WDR59: variants seen among roughly 807,000 people sequenced by gnomAD.
WDR59 encodes the protein WD repeat domain 59, also known as GATOR2 complex protein WDR59.
A neutral mutation model predicts 131.2 loss-of-function variants in WDR59; 100 were observed. That is an observed-to-expected ratio of 0.76 (90% CI 0.65 to 0.90). The LOEUF (loss-of-function observed/expected upper bound fraction) is 0.90. Among genes scored for constraint, WDR59 ranks in the 40% least tolerant of loss-of-function variants. The pLI is 0.00. For synonymous variants in WDR59, 601 were observed against 466.2 expected (o/e 1.29, Z -3.72); for missense variants, 1,203 against 1,262.2 (o/e 0.95, Z 0.71).
intron 1 of WDR59, among the ~76,000 whole-genome samples, chr16:74,982,615 T>C (rs761643602): frequency 5.9e-5 from 9 of 152,210 alleles, no homozygotes; most frequent in Admixed American, 2.6e-4. Flanking sequence ...GCATGATACA[T>C]GATTCTATTC....
At chr16:74,940,448 G>C (rs924353457) in intron 7 of WDR59, among the ~76,000 whole-genome samples, 2 of 151,176 alleles carry the variant, frequency 1.3e-5, no homozygotes, top group Non-Finnish European at 2.9e-5. Flanking sequence ...ATTATAAAGA[G>C]ATATTAATCA....
intron 1 of WDR59, among the ~76,000 whole-genome samples, chr16:74,967,454 C>T (rs1247398292): frequency 6.6e-6 from 1 of 152,160 alleles, no homozygotes; most frequent in East Asian, 1.9e-4. Flanking sequence ...ATTCCAGGCC[C>T]TTGGTATATA....
chr16:74,915,687 G>T lies in WDR59; in HGVS notation c.1224+183C>A. On this transcript the variant is annotated intron_variant, in intron 13 of 25. Coordinates refer to ENST00000262144, the MANE Select transcript of WDR59 (RefSeq NM_030581.4). ...GATCTGTCCACCTCAGACTCCCAAA[G>T]TGCTGGGATTACAGGCGTGAGCCAC... 3 of 739,032 alleles carry T rather than the reference G, an allele frequency of 4.1e-6. No homozygotes were observed. The Admixed American group carries it at 8.4e-5, about 21-fold the overall frequency. The allele number at this position is 739,032 out of a possible 1,614,324, so 45.8% of individuals were successfully genotyped here. A position where few individuals can be genotyped will look rare whatever the true frequency, so the allele number is the denominator to read the frequency against.
chr16:74,980,016 T>C (rs1378390423), intron 1 of WDR59, among the ~76,000 whole-genome samples: 3 of 150,906 alleles, frequency 2.0e-5, no homozygotes, highest in Non-Finnish European at 4.4e-5. Flanking sequence ...GCCCAGCTAA[T>C]TTTTATTGTA....
intron 8 of WDR59, among the ~76,000 whole-genome samples, chr16:74,937,333 G>A (rs1000646962): frequency 6.6e-6 from 1 of 152,210 alleles, no homozygotes; most frequent in Non-Finnish European, 1.5e-5. Context: ...AAATGCTGAT[G>A]CCTGAAAACG....
intron 18 of WDR59, among the ~76,000 whole-genome samples, chr16:74,901,850 A>AT (rs1316440324): frequency 6.8e-6 from 1 of 147,362 alleles, no homozygotes; most frequent in Non-Finnish European, 1.5e-5. Context: ...TCATGGCCAT[A>AT]TCACGCTTAT....
rs1341155077 is a variant in WDR59 at position 74,971,425 on chromosome 16, CCTTT to C, written c.55-5607_55-5604del. On this transcript the variant is annotated intron_variant, in intron 1 of 25. Transcript: ENST00000262144. ...ATCAGTTTTCCTTCCTTCTTTCCTT[CCTTT>C]TTTTTTTTTTTTTTTTTTTTTGAGA... Among the ~76,000 whole-genome samples the C allele has an allele frequency of 5.8e-3, 787 of 136,130 alleles. 5 individuals carry two copies. Among genetic ancestry groups the C allele is most frequent in the African/African-American group, 0.022 (765 of 34,188 alleles). The allele number at this position is 136,130 out of a possible 152,430, so 89.3% of individuals were successfully genotyped here. A position where few individuals can be genotyped will look rare whatever the true frequency, so the allele number is the denominator to read the frequency against.
intron 1 of WDR59, among the ~76,000 whole-genome samples, chr16:74,970,551 A>G (rs1449659549): frequency 3.4e-5 from 5 of 146,106 alleles, no homozygotes; most frequent in Non-Finnish European, 7.5e-5. Context: ...GGACCTCTCT[A>G]AGCAGGTTCC....
rs1313904660 is a variant in WDR59, at chr16:74,871,599, T to C, written c.*2610A>G. 6.6e-6 allele frequency: 1 copy of C among 152,170 alleles called. No individual in the cohort carries two copies. Among genetic ancestry groups the C allele is most frequent in the Non-Finnish European group, 1.5e-5 (1 of 68,008 alleles). 9.4% of individuals were successfully genotyped at this position (152,170 alleles called of 1,614,324 possible). A position where few individuals can be genotyped will look rare whatever the true frequency, so the allele number is the denominator to read the frequency against. ...TTGAAAGTCAATGTTCCTCCAACAA[T>C]AAAACAAGAAAAACATCTCATTCTT... is the stretch of plus-strand genomic sequence containing the variant. On this transcript the variant is annotated 3_prime_UTR_variant, in exon 26 of 26. Transcript: ENST00000262144.
In WDR59 at chr16:74,981,633, TATATATATATATATATATATA is replaced by T. The variant is rs1485389839; in HGVS notation, c.54+3310_54+3330del. ...ATTTACATATATATATATATATATA[TATATATATATATATATATATA>T]TATATATTTTTTTTTTTTTTAGATG... is the stretch of plus-strand genomic sequence containing the variant. On this transcript the variant is annotated intron_variant, in intron 1 of 25. Coordinates refer to ENST00000262144, the MANE Select transcript of WDR59 (RefSeq NM_030581.4). Among the ~76,000 whole-genome samples, 37 of 17,566 alleles carry T rather than the reference TATATATATATATATATATATA, an allele frequency of 2.1e-3. 1 individual carries two copies. Among genetic ancestry groups the T allele is most frequent in the Non-Finnish European group, 3.2e-3 (26 of 8,234 alleles). The allele number at this position is 17,566 out of a possible 152,430, so 11.5% of individuals were successfully genotyped here.
intron 10 of WDR59, 41 bp downstream of exon 10, chr16:74,921,906 G>A: frequency 6.2e-7 from 1 of 1,600,330 alleles, no homozygotes; most frequent in Admixed American, 1.7e-5. Context: ...GCTGTCACCA[G>A]AGCTCAGAAG....
chr16:74,984,990 C>A lies in WDR59; in HGVS notation c.28G>T (p.Val10Leu). The A allele has an allele frequency of 6.3e-7, 1 of 1,599,372 alleles. No homozygotes were observed. Among genetic ancestry groups the A allele is most frequent in the Non-Finnish European group, 8.5e-7 (1 of 1,173,178 alleles). The part of the protein sequence containing the change: MAARWSSEN[V>L]VVEFRDSQAT... Reference sequence around the variant, plus strand: ...TGGGAGTCACGGAACTCTACAACCACGTTTTCGCTGCTCCATCGCGCCGCC... The same window carrying A: ...TGGGAGTCACGGAACTCTACAACCAAGTTTTCGCTGCTCCATCGCGCCGCC... Residue 10 changes from valine (V) to leucine (L), a missense_variant, in exon 1 of 26, where the codon GTG becomes TTG. Coordinates refer to ENST00000262144, the MANE Select transcript of WDR59 (RefSeq NM_030581.4).
At position 74,956,380 on chromosome 16, in the gene WDR59, G is replaced by A. The variant is rs188703014; in HGVS notation, c.240+95C>T. On this transcript the variant is annotated intron_variant, in intron 3 of 25. Coordinates refer to ENST00000262144, the MANE Select transcript of WDR59 (RefSeq NM_030581.4). ...CAAACCTCTTTTCCAAATGAGCAAT[G>A]AGGACTGCATTCTCTTCTCTACACA... The A allele has an allele frequency of 4.2e-6, 6 of 1,443,244 alleles. No homozygotes were observed. In the African/African-American group the frequency reaches 5.7e-5, roughly 14 times the overall value. The allele number at this position is 1,443,244 out of a possible 1,614,324, so 89.4% of individuals were successfully genotyped here. A position where few individuals can be genotyped will look rare whatever the true frequency, so the allele number is the denominator to read the frequency against.
intron 7 of WDR59, among the ~76,000 whole-genome samples, chr16:74,939,398 G>A (rs1467313549): frequency 6.6e-6 from 1 of 151,986 alleles, no homozygotes; most frequent in African/African-American, 2.4e-5. Context: ...ATATACTACA[G>A]CTATGCGACA....
At chr16:74,892,758 T>C (rs1343580839) in intron 19 of WDR59, among the ~76,000 whole-genome samples, 193 bp from the exon 20 acceptor site, 1 of 152,192 alleles carries the variant, frequency 6.6e-6, no homozygotes, top group Non-Finnish European at 1.5e-5. Flanking sequence ...CTAATACATC[T>C]GTGGGTTCCA....
chr16:74,927,575 G>A lies in WDR59; in HGVS notation c.652-3572C>T, dbSNP rs375592651. Reference sequence around the variant, plus strand: ...TGCACTCCAGCCTGGGCAATAGAGCGAGACTCCATCTCAAAAAAAAAAAAA... The same window carrying A: ...TGCACTCCAGCCTGGGCAATAGAGCAAGACTCCATCTCAAAAAAAAAAAAA... On this transcript the variant is annotated intron_variant, in intron 8 of 25. Transcript: ENST00000262144. Among the ~76,000 whole-genome samples the A allele has an allele frequency of 1.5e-4, 18 of 116,514 alleles. 1 individual carries two copies. The highest frequency in any genetic ancestry group is 1.1e-3 in the East Asian group (4 of 3,510). The allele number at this position is 116,514 out of a possible 152,430, so 76.4% of individuals were successfully genotyped here.
At chr16:74,905,053 T>G (rs568979975) in intron 17 of WDR59, among the ~76,000 whole-genome samples, 11 of 152,358 alleles carry the variant, frequency 7.2e-5, no homozygotes, top group African/African-American at 2.6e-4. Context: ...AAGCTTTCAT[T>G]TTTATTTATT....
chr16:74,883,441 G>A (rs895479045), intron 25 of WDR59, among the ~76,000 whole-genome samples: 1 of 152,094 alleles, frequency 6.6e-6, no homozygotes, highest in Non-Finnish European at 1.5e-5. Flanking sequence ...ATCATGCCCT[G>A]CAAAATCAGC....
chr16:74,969,761 T>C (rs1259703089), intron 1 of WDR59, among the ~76,000 whole-genome samples: 3 of 151,924 alleles, frequency 2.0e-5, no homozygotes, highest in Non-Finnish European at 2.9e-5. Context: ...GGTTTCACCA[T>C]GTTTCCCAGG....
Sources: gnomAD v4.1 joint callset for allele counts (sites outside exome capture counted in the v4.1 genomes callset) on GRCh38, gnomAD v4.1.1 for gene constraint, MANE v1.5 for transcripts, NCBI Gene and HGNC (gene_info 2026-07-23, HGNC 2026-07-21) for gene names.